Variants in ST7 observed in about 807,000 individuals in gnomAD.
The protein encoded by ST7 is suppression of tumorigenicity 7.
A neutral mutation model predicts 78.7 loss-of-function variants in ST7; 28 were observed. The observed-to-expected ratio is 0.36, with a 90% confidence interval of 0.26 to 0.49. ST7 has a LOEUF of 0.49. ST7 is among the 20% of genes least tolerant of loss of function. The pLI is 0.99. For synonymous variants in ST7, 247 were observed against 249.6 expected, an observed-to-expected ratio of 0.99 and a Z score of 0.10; for missense variants, 418 against 696.0, an observed-to-expected ratio of 0.60 and a Z score of 4.49.
At chr7:116,970,326 C>T (rs1441304299) in intron 1 of ST7, among the ~76,000 whole-genome samples, 1 of 152,200 alleles carries the variant, frequency 6.6e-6, no homozygotes, top group Non-Finnish European at 1.5e-5. Context: ...CTAATTGTTA[C>T]ATAAGTTTTG....
chr7:117,055,721 C>T (rs946431121), intron 1 of ST7, among the ~76,000 whole-genome samples: 9 of 152,168 alleles, frequency 5.9e-5, no homozygotes, highest in African/African-American at 1.9e-4. Flanking sequence ...TTACAAGTCT[C>T]CCCCTTTCTG....
intron 7 of ST7, among the ~76,000 whole-genome samples, chr7:117,134,499 C>T (rs773572828): frequency 6.6e-6 from 1 of 152,030 alleles, no homozygotes; most frequent in African/African-American, 2.4e-5. Context: ...TGCCTCTCCT[C>T]CTAAGAATAC....
intron 6 of ST7, among the ~76,000 whole-genome samples, chr7:117,133,662 A>T (rs1238132800): frequency 6.6e-6 from 1 of 151,206 alleles, no homozygotes; most frequent in East Asian, 1.9e-4. Flanking sequence ...TGTCTTTAGT[A>T]TTTTATTTTG....
chr7:117,203,084 G>C (rs572841394), intron 12 of ST7, among the ~76,000 whole-genome samples: 1 of 152,300 alleles, frequency 6.6e-6, no homozygotes. Context: ...AAGTAAGCCT[G>C]TGCAGTTCAA....
At chr7:116,961,915 C>T (rs1406523410) in intron 1 of ST7, among the ~76,000 whole-genome samples, 1 of 152,010 alleles carries the variant, frequency 6.6e-6, no homozygotes, top group Non-Finnish European at 1.5e-5. Flanking sequence ...GCTATTTCTT[C>T]TAATGTTCTC....
At chr7:117,127,145 T>C (rs1036195516) in intron 3 of ST7, among the ~76,000 whole-genome samples, 1 of 151,940 alleles carries the variant, frequency 6.6e-6, no homozygotes, top group Non-Finnish European at 1.5e-5. Context: ...TAATGGAGAA[T>C]GGAAAATTCC....
At chr7:116,959,554 A>C (rs1792713719) in intron 1 of ST7, 1 of 246,076 alleles carries the variant, frequency 4.1e-6, no homozygotes, top group Admixed American at 5.5e-5. Context: ...GAACAATACA[A>C]TTGATCAAAT....
intron 1 of ST7, chr7:117,020,504 G>T: frequency 1.4e-6 from 2 of 1,400,822 alleles, no homozygotes. Flanking sequence ...CTGTGTAGCC[G>T]GCTCATCTCT....
At position 117,053,881 on chromosome 7, in the gene ST7, T is replaced by C. The variant is rs576036567; in HGVS notation, c.152-45881T>C. Among the ~76,000 whole-genome samples the C allele has an allele frequency of 3.3e-5, 5 of 151,780 alleles. No homozygotes were observed. The South Asian group carries it at 1.0e-3, about 32-fold the overall frequency. The stretch of plus-strand genomic sequence containing the variant: ...TTTTTTTTAAGACGGAGTCTTGCTC[T>C]GTTACCCAGGCTGGAGTGGGATCTC... On this transcript the variant is annotated intron_variant, in intron 1 of 15. Transcript: ENST00000323984.
chr7:117,152,184 T>TATAC (rs1806317249), intron 9 of ST7, among the ~76,000 whole-genome samples: 1 of 68,198 alleles, frequency 1.5e-5, no homozygotes, highest in Non-Finnish European at 3.5e-5. Flanking sequence ...AAACTATATA[T>TATAC]ATATATATAT....
chr7:117,028,910 T>C (rs1486667916), intron 1 of ST7, among the ~76,000 whole-genome samples: 3 of 152,174 alleles, frequency 2.0e-5, no homozygotes, highest in South Asian at 2.1e-4. Flanking sequence ...CTGGAACAAC[T>C]TAGGGGTTAG....
intron 1 of ST7, among the ~76,000 whole-genome samples, chr7:117,077,532 G>A (rs899920159): frequency 6.6e-6 from 1 of 152,148 alleles, no homozygotes; most frequent in Non-Finnish European, 1.5e-5. Flanking sequence ...GATTCTAAAG[G>A]ACTGTCCTCA....
At chr7:117,183,451 T>A (rs1179567982) in intron 10 of ST7, among the ~76,000 whole-genome samples, 1 of 151,824 alleles carries the variant, frequency 6.6e-6, no homozygotes, top group African/African-American at 2.4e-5. Flanking sequence ...ATATATATAA[T>A]TGAGGCATCA....
chr7:117,068,577 TACTC>T (rs1334023344), intron 1 of ST7, among the ~76,000 whole-genome samples: 5 of 152,252 alleles, frequency 3.3e-5, no homozygotes, highest in African/African-American at 1.2e-4. Flanking sequence ...AGTTGTTCCT[TACTC>T]TATTAGAAAA....
chr7:117,009,269 T>G (rs1332395845), intron 1 of ST7, among the ~76,000 whole-genome samples: 2 of 50,044 alleles, frequency 4.0e-5, no homozygotes, highest in African/African-American at 7.1e-5. Flanking sequence ...TTTTTTTTTT[T>G]TGTTTTTGGC....
chr7:117,206,018 T>A lies in ST7; in HGVS notation c.1255-3769T>A, dbSNP rs916058811. Among the ~76,000 whole-genome samples, 5 of 152,256 alleles carry A rather than the reference T, an allele frequency of 3.3e-5. No homozygotes were observed. In the East Asian group the frequency reaches 9.6e-4, roughly 29 times the overall value. ...AAGTAAGATGTGAAATGTTGTTCCA[T>A]GCTTTTCTAATTTAAATGTTGCACA... On this transcript the variant is annotated intron_variant, in intron 12 of 15. Coordinates refer to ENST00000323984, the MANE Select transcript of ST7 (RefSeq NM_001369598.1).
chr7:117,074,396 C>T (rs755356780), intron 1 of ST7, among the ~76,000 whole-genome samples: 4 of 152,030 alleles, frequency 2.6e-5, no homozygotes, highest in Non-Finnish European at 4.4e-5. Context: ...GTCTCAAAAA[C>T]GAAAAACAAA....
intron 1 of ST7, among the ~76,000 whole-genome samples, chr7:116,989,809 A>G (rs1204485611): frequency 6.6e-6 from 1 of 152,168 alleles, no homozygotes; most frequent in Admixed American, 6.5e-5. Context: ...AGTGCACTCT[A>G]GCCTAGGTGA....
intron 1 of ST7, among the ~76,000 whole-genome samples, chr7:117,029,413 C>G (rs1796362855): frequency 6.6e-6 from 1 of 151,894 alleles, no homozygotes; most frequent in Non-Finnish European, 1.5e-5. Flanking sequence ...TTGTTCAAAT[C>G]CTTTGCCTGT....
Sources: gnomAD v4.1 joint callset for allele counts (sites outside exome capture counted in the v4.1 genomes callset) on GRCh38, gnomAD v4.1.1 for gene constraint, MANE v1.5 for transcripts, NCBI Gene and HGNC (gene_info 2026-07-23, HGNC 2026-07-21) for gene names.